The following L3MBTL1 variants were observed in gnomAD, a reference collection of about 807,000 sequenced individuals.
The protein encoded by L3MBTL1 is lethal(3)malignant brain tumor-like protein 1.
Under a neutral mutation model 105.3 loss-of-function variants are expected in L3MBTL1, and 75 were observed. The observed-to-expected ratio is 0.71, with a 90% CI of 0.59 to 0.86. The LOEUF is 0.86. Ranked by LOEUF, L3MBTL1 falls within the 40% of genes least tolerant of loss-of-function variation. The pLI is 0.00. For missense variants in L3MBTL1, 1,069 were observed against 1,126.4 expected (o/e 0.95, Z 0.73); for synonymous variants, 452 against 436.2 (o/e 1.04, Z -0.45).
rs907285622 is a variant in L3MBTL1 at position 43,533,908 on chromosome 20, A to C, written c.1514-100A>C. On this transcript the variant is annotated intron_variant, in intron 13 of 21. Coordinates refer to ENST00000418998, the MANE Select transcript of L3MBTL1 (RefSeq NM_001377303.1). The stretch of plus-strand genomic sequence containing the variant: ...GTGATGGTGGGAGAGATTCTACTCC[A>C]AGGGCTTCTGTCCCTTCCATGTTCC... The C allele has an allele frequency of 3.6e-6, 3 of 832,738 alleles. No individual in the cohort carries two copies. In the African/African-American group the frequency reaches 5.0e-5, roughly 14 times the overall value. 51.6% of individuals were successfully genotyped at this position (832,738 alleles called of 1,614,324 possible). A position where few individuals can be genotyped will look rare whatever the true frequency, so the allele number is the denominator to read the frequency against.
Position 43,520,404 on chromosome 20 carries a change from G to A in L3MBTL1, c.862+4227G>A, listed in dbSNP as rs57271063. Among the ~76,000 whole-genome samples the A allele has an allele frequency of 6.9e-3, 1,057 of 152,132 alleles. 6 individuals are homozygous for A. The highest frequency in any genetic ancestry group is 0.024 in the African/African-American group (1,003 of 41,496). On this transcript the variant is annotated intron_variant, in intron 7 of 21. Transcript: ENST00000418998. Reference sequence around the variant, plus strand: ...TGGACATATGGACTCATTTTTCTTGGGTATATACTTAGGGGTGGAATTGTT... The same window carrying A: ...TGGACATATGGACTCATTTTTCTTGAGTATATACTTAGGGGTGGAATTGTT...
chr20:43,546,268 A>G (rs1304149670), downstream of L3MBTL1, among the ~76,000 whole-genome samples: 1 of 152,204 alleles, frequency 6.6e-6, no homozygotes, highest in Non-Finnish European at 1.5e-5. Flanking sequence ...AGGAGGGCTC[A>G]CTTGGAACTG....
Position 43,515,084 on chromosome 20 carries a change from C to A in L3MBTL1, c.578C>A (p.Ala193Glu), listed in dbSNP as rs752853664. The A allele has an allele frequency of 6.2e-7, 1 of 1,614,024 alleles. No homozygotes were observed. Among genetic ancestry groups the A allele is most frequent in the African/African-American group, 1.3e-5 (1 of 74,918 alleles). The change falls in exon 5 of 22, where the codon GCG (alanine) becomes GAG (glutamate). Residue 193 changes from alanine (A) to glutamate (E), a missense_variant. Transcript: ENST00000418998. Reference sequence around the variant, plus strand: ...GATGATAGCACCTGTCAGTGCCAGGCGTGCGGGCCTCACCAAGCCGCGGGT... The same window carrying A: ...GATGATAGCACCTGTCAGTGCCAGGAGTGCGGGCCTCACCAAGCCGCGGGT... ...PEDDSTCQCQACGPHQAAGPD... is the reference protein window; with the variant it reads ...PEDDSTCQCQECGPHQAAGPD...
chr20:43,535,892 G>A lies in L3MBTL1; in HGVS notation c.1881G>A (p.Arg627=). The change falls in exon 17 of 22, where the codon AGG becomes AGA. Residue 627 remains arginine, a synonymous_variant. Transcript: ENST00000418998. ...GGGGCTGTCCCCCTCTCAGCTATAG[G>A]AGCCTGCCCCACACTAGGACCTCCA... ...SPGGCPPLSY[R]SLPHTRTSKY... 1.9e-6 allele frequency: 3 copies of A among 1,613,392 alleles called. No individual in the cohort carries two copies. The highest frequency in any genetic ancestry group is 2.5e-6 in the Non-Finnish European group (3 of 1,179,724).
At position 43,510,405 on chromosome 20, in the gene L3MBTL1, T is replaced by TC. The variant is rs1491224088; in HGVS notation, c.-29+2662dup. 3.7e-5 allele frequency among the ~76,000 whole-genome samples: 3 copies of TC among 80,358 alleles called. No individual in the cohort carries two copies. The East Asian group carries it at 1.3e-3, about 35-fold the overall frequency. The allele number at this position is 80,358 out of a possible 152,430, so 52.7% of individuals were successfully genotyped here. ...TTATAATTTTCTTTCTTTCTTTCTT[T>TC]CTTTTTTTTTTTTTTTTGAGGTGGA... is the stretch of plus-strand genomic sequence containing the variant. On this transcript the variant is annotated intron_variant, in intron 1 of 21. Transcript: ENST00000418998.
rs2019291139 is a variant in L3MBTL1 at position 43,530,707 on chromosome 20, G to A, written c.1193-91G>A. 6 of 1,229,310 alleles carry A rather than the reference G, an allele frequency of 4.9e-6. No homozygotes were observed. The South Asian group carries it at 7.4e-5, about 15-fold the overall frequency. The allele number at this position is 1,229,310 out of a possible 1,614,324, so 76.2% of individuals were successfully genotyped here. A position where few individuals can be genotyped will look rare whatever the true frequency, so the allele number is the denominator to read the frequency against. ...TTGAGGGTTGGGGGGAGGTCCTCAG[G>A]CATGCCTGATTCTGCTGCTTCACTG... On this transcript the variant is annotated intron_variant, in intron 10 of 21. Transcript: ENST00000418998.
At chr20:43,511,479 C>T (rs2018133478) in intron 1 of L3MBTL1, among the ~76,000 whole-genome samples, 1 of 152,056 alleles carries the variant, frequency 6.6e-6, no homozygotes, top group Non-Finnish European at 1.5e-5. Flanking sequence ...GGGTGTGCTG[C>T]TGCTTTAAAT....
At chr20:43,508,194 CTTT>C (rs765428033) in intron 1 of L3MBTL1, among the ~76,000 whole-genome samples, 1 of 141,938 alleles carries the variant, frequency 7.0e-6, no homozygotes. Context: ...GTTTCTCTCT[CTTT>C]TTTTTTTTTT....
chr20:43,528,953 A>G, intron 8 of L3MBTL1: 3 of 607,154 alleles, frequency 4.9e-6, no homozygotes, highest in Non-Finnish European at 8.8e-6. Context: ...GGTGGAAGCT[A>G]GGCTCACTCA....
chr20:43,527,831 TG>T (rs1432996757), intron 7 of L3MBTL1, among the ~76,000 whole-genome samples: 7 of 152,240 alleles, frequency 4.6e-5, no homozygotes, highest in Non-Finnish European at 8.8e-5. Context: ...GCAATTCTTC[TG>T]CCTCAGCCTC....
At chr20:43,534,140 G>A (rs758265798) in intron 14 of L3MBTL1, 47 bp downstream of exon 14, 10 of 1,575,542 alleles carry the variant, frequency 6.3e-6, no homozygotes, top group Non-Finnish European at 8.7e-6. Context: ...GAAAGACATG[G>A]AGCACTCAGC....
In L3MBTL1 at chr20:43,536,384, A is replaced by G. The variant is rs775734115; in HGVS notation, c.2124-25A>G. On this transcript the variant is annotated intron_variant, in intron 18 of 21. Transcript: ENST00000418998. Reference sequence around the variant, plus strand: ...CTGGGCCAGACACTGATTCCCTGCCATGGACCTGGTCCGTCTTTCTCCAGA... The same window carrying G: ...CTGGGCCAGACACTGATTCCCTGCCGTGGACCTGGTCCGTCTTTCTCCAGA... The G allele has an allele frequency of 8.1e-6, 13 of 1,613,852 alleles. No homozygotes were observed. The East Asian group carries it at 1.3e-4, about 17-fold the overall frequency.
chr20:43,528,950 G>A (rs531592696), intron 8 of L3MBTL1: 1 of 608,134 alleles, frequency 1.6e-6, no homozygotes, highest in Non-Finnish European at 2.9e-6. Context: ...AGAGGTGGAA[G>A]CTAGGCTCAC....
In L3MBTL1 at chr20:43,540,980, G is replaced by T. The variant is rs1320085468; in HGVS notation, c.2441G>T (p.Trp814Leu). 2.5e-6 allele frequency: 4 copies of T among 1,614,002 alleles called. No homozygotes were observed. The highest frequency in any genetic ancestry group is 1.3e-5 in the African/African-American group (1 of 74,902). ...CATGTATCTGGGAAGACTCTAGTCT[G>T]GACTGTGGCCCAGCTTGGGGACCTT... ...VTHVSGKTLVWTVAQLGDLVC... is the reference protein window; with the variant it reads ...VTHVSGKTLVLTVAQLGDLVC... The change falls in exon 22 of 22, where the codon TGG (tryptophan) becomes TTG (leucine). Residue 814 changes from tryptophan (W) to leucine (L), a missense_variant. By Grantham distance (61) the Trp-to-Leu change is moderately conservative. Coordinates refer to ENST00000418998, the MANE Select transcript of L3MBTL1 (RefSeq NM_001377303.1).
intron 11 of L3MBTL1, 55 bp downstream of exon 11, chr20:43,530,944 A>T: frequency 1.4e-6 from 2 of 1,447,790 alleles, no homozygotes; most frequent in Non-Finnish European, 1.9e-6. Flanking sequence ...AGTTCACTGC[A>T]GCTGGCCCAG....
In L3MBTL1 at chr20:43,541,055, T is replaced by A. The variant is rs564041272; in HGVS notation, c.2516T>A (p.Val839Asp). The change falls in exon 22 of 22, where the codon GTC becomes GAC. Residue 839 changes from valine to aspartate, a missense_variant. Coordinates refer to ENST00000418998, the MANE Select transcript of L3MBTL1 (RefSeq NM_001377303.1). ...QEGKGILETG[V>D]HSLLCSLPTH... is the part of the protein sequence containing the mutation. ...GGAAAAGGCATCCTGGAGACAGGAG[T>A]CCATTCACTCCTCTGCTCTCTACCC... The A allele has an allele frequency of 1.9e-6, 3 of 1,614,072 alleles. No homozygotes were observed. The South Asian group carries it at 3.3e-5, about 18-fold the overall frequency.
At chr20:43,539,733 C>T (rs2019810540) in intron 19 of L3MBTL1, 2 of 256,458 alleles carry the variant, frequency 7.8e-6, no homozygotes, top group Non-Finnish European at 1.6e-5. Context: ...CCCGGAAGGA[C>T]TCATGAGAAG....
intron 18 of L3MBTL1, among the ~76,000 whole-genome samples, chr20:43,546,973 A>C (rs1400377949): frequency 6.6e-6 from 1 of 152,114 alleles, no homozygotes; most frequent in Non-Finnish European, 1.5e-5. Context: ...CCCAGTTCTC[A>C]GGATACATTT....
intron 7 of L3MBTL1, chr20:43,523,446 AC>A: frequency 4.4e-6 from 1 of 227,494 alleles, no homozygotes; most frequent in Non-Finnish European, 9.3e-6. Flanking sequence ...GGCCTGTTAA[AC>A]CCCCAGAGAG....
Sources: gnomAD v4.1 joint callset for allele counts (sites outside exome capture counted in the v4.1 genomes callset) on GRCh38, gnomAD v4.1.1 for gene constraint, MANE v1.5 for transcripts, NCBI Gene and HGNC (gene_info 2026-07-23, HGNC 2026-07-21) for gene names.